The following EML5 variants were observed in gnomAD, a reference collection of about 807,000 sequenced individuals.
EML5 encodes EMAP like 5.
Under a neutral mutation model 250.0 loss-of-function variants are expected in EML5, and 120 were observed. The ratio of observed to expected loss-of-function variants is 0.48; its 90% CI spans 0.41 to 0.56. The LOEUF is 0.56. EML5 is among the 20% of genes least tolerant of loss of function. EML5 has a pLI of 0.00. For missense variants in EML5, 2,006 were observed against 2,437.6 expected, an observed-to-expected ratio of 0.82 and a Z score of 3.73; for synonymous variants, 771 against 806.5, an observed-to-expected ratio of 0.96 and a Z score of 0.75.
intron 26 of EML5, among the ~76,000 whole-genome samples, chr14:88,657,884 T>C (rs2091930380): frequency 6.6e-6 from 1 of 152,174 alleles, no homozygotes; most frequent in Admixed American, 6.6e-5. Context: ...CTGATATTAC[T>C]GGTATATTAG....
In EML5 at chr14:88,738,968, C is replaced by A; in HGVS notation, c.758G>T (p.Gly253Val). The change falls in exon 6 of 44, where the codon GGT (glycine) becomes GTT (valine). Residue 253 changes from glycine to valine, a missense_variant. By Grantham distance (109) the Gly-to-Val change is moderately radical (BLOSUM62 -3). Transcript: ENST00000554922. ...AAGACGAATACAACCATCTCTGCCA[C>A]CAGTAGCAAAGCCTTCTTCACAAGC... Reference protein sequence around the residue: ...MNACEEGFATGGRDGCIRLWD... With the variant: ...MNACEEGFATVGRDGCIRLWD... The A allele has an allele frequency of 1.2e-6, 2 of 1,609,296 alleles. No homozygotes were observed. The highest frequency in any genetic ancestry group is 1.7e-6 in the Non-Finnish European group (2 of 1,178,098).
At chr14:88,726,393 T>C (rs2093666914) in intron 8 of EML5, 148 bp downstream of exon 8, 1 of 493,608 alleles carries the variant, frequency 2.0e-6, no homozygotes, top group Non-Finnish European at 3.2e-6. Context: ...AATTAACATC[T>C]GAAATATATT....
At chr14:88,768,699 A>G (rs906880002) in intron 1 of EML5, among the ~76,000 whole-genome samples, 2 of 152,208 alleles carry the variant, frequency 1.3e-5, no homozygotes, top group African/African-American at 4.8e-5. Context: ...GGCGTGAGAC[A>G]TCGCACCTGG....
chr14:88,736,103 C>G (rs1426243463), intron 7 of EML5, among the ~76,000 whole-genome samples: 1 of 150,978 alleles, frequency 6.6e-6, no homozygotes, highest in African/African-American at 2.4e-5. Context: ...TGGGTTCAAG[C>G]GATTCTCCTG....
chr14:88,684,859 T>A (rs1314386346), intron 20 of EML5, among the ~76,000 whole-genome samples, 156 bp downstream of exon 20: 1 of 149,290 alleles, frequency 6.7e-6, no homozygotes, highest in Non-Finnish European at 1.5e-5. Flanking sequence ...TACGTTAAAA[T>A]TTTTTTCTGT....
At chr14:88,655,150 A>C (rs1434503541) in intron 27 of EML5, among the ~76,000 whole-genome samples, 1 of 152,188 alleles carries the variant, frequency 6.6e-6, no homozygotes, top group Non-Finnish European at 1.5e-5. Context: ...TGAAACTAAA[A>C]AAAGAGCCCA....
intron 1 of EML5, among the ~76,000 whole-genome samples, chr14:88,782,066 T>C (rs991458643): frequency 5.3e-5 from 8 of 152,172 alleles, no homozygotes; most frequent in African/African-American, 1.7e-4. Context: ...GACAGGAAGA[T>C]GTGGGAAAGT....
In EML5 at chr14:88,792,548, ACGGGAGGCGGCGGCGG is replaced by A; in HGVS notation, c.-61_-46del. The A allele has an allele frequency of 8.2e-7, 1 of 1,224,572 alleles. No homozygotes were observed. Among genetic ancestry groups the A allele is most frequent in the African/African-American group, 1.6e-5 (1 of 62,674 alleles). 75.9% of individuals were successfully genotyped at this position (1,224,572 alleles called of 1,614,324 possible). On this transcript the variant is annotated 5_prime_UTR_variant, in exon 1 of 44. Transcript: ENST00000554922. The surrounding 1 kb of genome is among the most constrained non-coding windows in gnomAD (Gnocchi z 6.9). ...GCTCCCGCTCGGGCCCGCGGCGGCGACGGGAGGCGGCGGCGGCCCGGCAACGAAAGCCCTCCCGCTG... is the reference window on the plus strand; with the variant it reads ...GCTCCCGCTCGGGCCCGCGGCGGCGACCCGGCAACGAAAGCCCTCCCGCTG...
intron 28 of EML5, among the ~76,000 whole-genome samples, chr14:88,647,768 C>T (rs1258678471): frequency 7.6e-6 from 1 of 131,596 alleles, no homozygotes; most frequent in Non-Finnish European, 1.7e-5. Context: ...AAGAAAAAAA[C>T]AAATAAATGA....
intron 33 of EML5, among the ~76,000 whole-genome samples, chr14:88,632,031 C>T (rs1486157800): frequency 3.9e-5 from 6 of 152,144 alleles, no homozygotes; most frequent in African/African-American, 1.4e-4. Context: ...TATATTTGTA[C>T]AAGAAAGAAT....
chr14:88,660,721 G>A (rs943509571), intron 25 of EML5, among the ~76,000 whole-genome samples: 1 of 148,534 alleles, frequency 6.7e-6, no homozygotes, highest in African/African-American at 2.5e-5. Flanking sequence ...CCAGCCTGGC[G>A]ACAGAGTGAG....
At chr14:88,650,757 C>T (rs565027349) in intron 27 of EML5, among the ~76,000 whole-genome samples, 70 of 152,260 alleles carry the variant, frequency 4.6e-4, no homozygotes, top group Admixed American at 1.7e-3. Flanking sequence ...TCCTGCTCAG[C>T]CTCCTGAGTA....
In EML5 at chr14:88,792,302, G is replaced by T; in HGVS notation, c.197+5C>A. 6.5e-7 allele frequency: 1 copy of T among 1,550,310 alleles called. No homozygotes were observed. Reference sequence around the variant, plus strand: ...GTGACGGCGGCGGCCCCCGCTCCCCGGTACCTGATGATGTCGTCGCTGTGG... The same window carrying T: ...GTGACGGCGGCGGCCCCCGCTCCCCTGTACCTGATGATGTCGTCGCTGTGG... On this transcript the variant is annotated splice_donor_5th_base_variant and intron_variant, in intron 1 of 43. Transcript: ENST00000554922. The surrounding 1 kb of genome is among the most constrained non-coding windows in gnomAD (Gnocchi z 6.9).
At chr14:88,639,694 A>T (rs2090950161) in intron 31 of EML5, among the ~76,000 whole-genome samples, 1 of 152,098 alleles carries the variant, frequency 6.6e-6, no homozygotes, top group South Asian at 2.1e-4. Flanking sequence ...CTCATGCCTC[A>T]GCCTCCCAAG....
intron 8 of EML5, among the ~76,000 whole-genome samples, chr14:88,723,626 G>A (rs1299266637): frequency 2.6e-5 from 4 of 152,180 alleles, no homozygotes; most frequent in African/African-American, 4.8e-5. Context: ...GGTTAAGTAT[G>A]TGAGGTGATG....
At position 88,614,673 on chromosome 14, in the gene EML5, G is replaced by C. The variant is rs528316681; in HGVS notation, c.*1145C>G. Reference sequence around the variant, plus strand: ...TCTTCAGGAAACTACAGATAGGCTAGACAGCGAATTCCTGAATGATGAGTA... The same window carrying C: ...TCTTCAGGAAACTACAGATAGGCTACACAGCGAATTCCTGAATGATGAGTA... On this transcript the variant is annotated 3_prime_UTR_variant, in exon 44 of 44. Coordinates refer to ENST00000554922, the MANE Select transcript of EML5 (RefSeq NM_183387.3). The C allele has an allele frequency of 6.6e-6, 1 of 152,304 alleles. No individual in the cohort carries two copies. Among genetic ancestry groups the C allele is most frequent in the South Asian group, 2.1e-4 (1 of 4,828 alleles). The allele number at this position is 152,304 out of a possible 1,614,324, so 9.4% of individuals were successfully genotyped here.
chr14:88,650,633 T>C (rs2091574596), intron 27 of EML5, among the ~76,000 whole-genome samples: 1 of 152,228 alleles, frequency 6.6e-6, no homozygotes, highest in South Asian at 2.1e-4. Context: ...TTTTTAATTT[T>C]TTTTTCATTT....
At position 88,740,400 on chromosome 14, in the gene EML5, T is replaced by G; in HGVS notation, c.698A>C (p.Gln233Pro). Residue 233 changes from glutamine (Q) to proline (P), a missense_variant, in exon 5 of 44, where the codon CAA (glutamine) becomes CCA (proline). Gln to Pro is a moderately conservative substitution (Grantham distance 76, BLOSUM62 -1). Coordinates refer to ENST00000554922, the MANE Select transcript of EML5 (RefSeq NM_183387.3). The part of the protein sequence containing the change: ...WKGINLIRTI[Q>P]GAHAAGIFSM... ...AAATGTACTTACAGCATGGGCTCCT[T>G]GTATTGTTCGTATAAGATTGATTCC... is the stretch of plus-strand genomic sequence containing the variant. 6.2e-7 allele frequency: 1 copy of G among 1,609,952 alleles called. No individual in the cohort carries two copies. Among genetic ancestry groups the G allele is most frequent in the Non-Finnish European group, 8.5e-7 (1 of 1,178,328 alleles).
At position 88,696,899 on chromosome 14, in the gene EML5, CA is replaced by C; in HGVS notation, c.2291del (p.Leu764CysfsTer4). 2 of 1,610,330 alleles carry C rather than the reference CA, an allele frequency of 1.2e-6. No homozygotes were observed. Among genetic ancestry groups the C allele is most frequent in the Non-Finnish European group, 1.7e-6 (2 of 1,178,102 alleles). On this transcript the variant is annotated frameshift_variant, in exon 15 of 44. Transcript: ENST00000554922. LOFTEE classifies it high-confidence loss of function. Reference protein sequence around the residue: ...HIWDTETIKPLSILKGHHQYG... With the variant: ...HIWDTETIKPXSILKGHHQYG... ...ACTGGTGGTGGCCCTTTAATATGGA[CA>C]ATGGTTTAATGGTCTCTGTATCCCA...
Sources: gnomAD v4.1 joint callset for allele counts (sites outside exome capture counted in the v4.1 genomes callset) on GRCh38, gnomAD v4.1.1 for gene constraint, Gnocchi (gnomAD v3.1) non-coding constraint, MANE v1.5 for transcripts, NCBI Gene and HGNC (gene_info 2026-07-23, HGNC 2026-07-21) for gene names.